The following SLAIN2 variants were observed in gnomAD, a reference collection of about 807,000 sequenced individuals.
The protein encoded by SLAIN2 is SLAIN motif-containing protein 2.
SLAIN2 carries 31 observed loss-of-function variants against 56.6 expected under a neutral mutation model. That is an observed-to-expected ratio of 0.55 (90% confidence interval 0.41 to 0.74). The LOEUF is 0.74. Among genes scored for constraint, SLAIN2 ranks in the 30% least tolerant of loss-of-function variants. The pLI is 0.00. For missense variants in SLAIN2, 777 were observed against 754.2 expected, an observed-to-expected ratio of 1.03 and a Z score of -0.35; for synonymous variants, 317 against 284.9, an observed-to-expected ratio of 1.11 and a Z score of -1.13.
chr4:48,348,051 T>C (rs1714915196), intron 1 of SLAIN2, among the ~76,000 whole-genome samples: 1 of 152,192 alleles, frequency 6.6e-6, no homozygotes, highest in African/African-American at 2.4e-5. Flanking sequence ...GTACGATTGA[T>C]CTTGATTTAT....
intron 1 of SLAIN2, among the ~76,000 whole-genome samples, chr4:48,359,481 C>T (rs1715258077): frequency 6.6e-6 from 1 of 152,214 alleles, no homozygotes; most frequent in African/African-American, 2.4e-5. Context: ...ACTGCGGTTA[C>T]CACAGATTCA....
chr4:48,357,353 G>A (rs1447698359), intron 1 of SLAIN2, among the ~76,000 whole-genome samples: 1 of 151,174 alleles, frequency 6.6e-6, no homozygotes, highest in Non-Finnish European at 1.5e-5. Flanking sequence ...CATTGTGGCT[G>A]TTAAAATGAT....
At chr4:48,386,532 A>G (rs768907741) in intron 6 of SLAIN2, among the ~76,000 whole-genome samples, 8 of 152,222 alleles carry the variant, frequency 5.3e-5, no homozygotes, top group African/African-American at 1.9e-4. Flanking sequence ...CGTTTAAAGC[A>G]CTGTAGAAAA....
chr4:48,369,707 AG>A (rs1560454735), intron 1 of SLAIN2, 141 bp from the exon 2 acceptor site: 2 of 659,414 alleles, frequency 3.0e-6, no homozygotes, highest in Admixed American at 3.5e-5. Flanking sequence ...CTTCCTGTGC[AG>A]TAAGTAAATG....
At chr4:48,373,380 A>G (rs1386545118) in intron 2 of SLAIN2, among the ~76,000 whole-genome samples, 3 of 152,044 alleles carry the variant, frequency 2.0e-5, no homozygotes, top group Middle Eastern at 3.2e-3. Flanking sequence ...GTTGCCCCAG[A>G]TCTCTCTTTT....
chr4:48,367,319 G>C (rs1328719729), intron 1 of SLAIN2, among the ~76,000 whole-genome samples: 1 of 152,186 alleles, frequency 6.6e-6, no homozygotes, highest in Non-Finnish European at 1.5e-5. Context: ...TAAGAGGATA[G>C]AGTGATATAG....
intron 1 of SLAIN2, among the ~76,000 whole-genome samples, chr4:48,350,966 T>C (rs2109735274): frequency 1.3e-5 from 2 of 152,294 alleles, no homozygotes; most frequent in South Asian, 4.1e-4. Flanking sequence ...ACAAAGGAAG[T>C]TGTATTTAGT....
intron 2 of SLAIN2, among the ~76,000 whole-genome samples, chr4:48,371,375 A>G (rs1715660417): frequency 6.6e-6 from 1 of 152,090 alleles, no homozygotes; most frequent in African/African-American, 2.4e-5. Flanking sequence ...GCCTGGCCAA[A>G]GAAGCACTTT....
chr4:48,414,038 G>T (rs1331223666), intron 6 of SLAIN2, among the ~76,000 whole-genome samples: 2 of 152,034 alleles, frequency 1.3e-5, no homozygotes, highest in African/African-American at 4.8e-5. Context: ...TTTAAGATAC[G>T]AATTCTCTAT....
At chr4:48,413,464 G>A (rs1376343019) in intron 6 of SLAIN2, among the ~76,000 whole-genome samples, 1 of 152,138 alleles carries the variant, frequency 6.6e-6, no homozygotes, top group Non-Finnish European at 1.5e-5. Context: ...CTTTAATTCT[G>A]TAGTGAGAGA....
chr4:48,419,356 G>A (rs889514392), intron 6 of SLAIN2, among the ~76,000 whole-genome samples: 4 of 152,032 alleles, frequency 2.6e-5, no homozygotes, highest in African/African-American at 9.7e-5. Context: ...CGCCCGCCTC[G>A]GACTCCCAAA....
chr4:48,380,056 T>C (rs544401801), intron 4 of SLAIN2, among the ~76,000 whole-genome samples: 10 of 152,228 alleles, frequency 6.6e-5, no homozygotes, highest in African/African-American at 2.4e-4. Context: ...AGTTATGCTG[T>C]GTGAGGGACA....
chr4:48,355,253 A>G (rs1221554386), intron 1 of SLAIN2, among the ~76,000 whole-genome samples: 1 of 152,208 alleles, frequency 6.6e-6, no homozygotes, highest in East Asian at 1.9e-4. Flanking sequence ...ACTTCCTTGC[A>G]TTCCTTTTCT....
rs1348599462 is a variant in SLAIN2, at chr4:48,424,073, A to G, written c.*1996A>G. The G allele has an allele frequency of 6.6e-6, 1 of 152,140 alleles. No homozygotes were observed. The highest frequency in any genetic ancestry group is 2.4e-5 in the African/African-American group (1 of 41,456). 9.4% of individuals were successfully genotyped at this position (152,140 alleles called of 1,614,324 possible). A position where few individuals can be genotyped will look rare whatever the true frequency, so the allele number is the denominator to read the frequency against. ...CATATTACATTTTTTAAGTTAGATA[A>G]TCAGTTTCAAAAGGAGTATTCAGGT... is the stretch of plus-strand genomic sequence containing the variant. On this transcript the variant is annotated 3_prime_UTR_variant, in exon 8 of 8. Coordinates refer to ENST00000264313, the MANE Select transcript of SLAIN2 (RefSeq NM_020846.2).
chr4:48,402,248 T>A lies in SLAIN2; in HGVS notation c.1361-17877T>A, dbSNP rs184358386. 1.7e-3 allele frequency among the ~76,000 whole-genome samples: 255 copies of A among 151,882 alleles called. 1 individual carries two copies. Among genetic ancestry groups the A allele is most frequent in the African/African-American group, 5.9e-3 (245 of 41,378 alleles). On this transcript the variant is annotated intron_variant, in intron 6 of 7. Coordinates refer to ENST00000264313, the MANE Select transcript of SLAIN2 (RefSeq NM_020846.2). ...TCGACCTTGGAGAATCTGATGATTA[T>A]GTGTCTTTGGGTTGGTCTTCTTGCG... is the stretch of plus-strand genomic sequence containing the variant.
At chr4:48,382,490 T>C (rs1715993206) in intron 4 of SLAIN2, 78 bp from the exon 5 acceptor site, 1 of 1,349,214 alleles carries the variant, frequency 7.4e-7, no homozygotes, top group Non-Finnish European at 9.7e-7. Context: ...TTTTCAGTGA[T>C]AATCTTTTAC....
chr4:48,407,434 A>G (rs1716726897), intron 6 of SLAIN2, among the ~76,000 whole-genome samples: 1 of 152,046 alleles, frequency 6.6e-6, no homozygotes, highest in Admixed American at 6.6e-5. Context: ...TGTGTGTATG[A>G]TTTCTTACCA....
chr4:48,388,539 A>C (rs558923061), intron 6 of SLAIN2, among the ~76,000 whole-genome samples: 1 of 152,350 alleles, frequency 6.6e-6, no homozygotes, highest in Non-Finnish European at 1.5e-5. Context: ...TCATTTAAAC[A>C]TCAGAAATCA....
intron 6 of SLAIN2, 100 bp downstream of exon 6, chr4:48,383,884 A>G: frequency 7.9e-7 from 1 of 1,258,052 alleles, no homozygotes. Flanking sequence ...TATGCTGAAA[A>G]ACCGTTTTAA....
Sources: allele counts gnomAD v4.1 joint callset (sites outside exome capture counted in the v4.1 genomes callset), GRCh38; gene constraint gnomAD v4.1.1; transcripts MANE v1.5; gene names NCBI Gene and HGNC (gene_info 2026-07-23, HGNC 2026-07-21).